COG7: variants seen among roughly 807,000 people sequenced by gnomAD.
COG7 encodes the protein component of oligomeric golgi complex 7, also known as conserved oligomeric Golgi complex subunit 7.
COG7 carries 49 observed loss-of-function variants against 91.5 expected under a neutral mutation model. The observed-to-expected ratio is 0.54, with a 90% CI of 0.43 to 0.68. The LOEUF (loss-of-function observed/expected upper bound fraction) is 0.68. Ranked by LOEUF, COG7 falls within the 30% of genes least tolerant of loss-of-function variation. The probability of loss-of-function intolerance (pLI) is 0.00; values close to 1 mark genes in which losing one functional copy is unlikely to be tolerated. For missense variants in COG7, 895 were observed against 961.3 expected, an observed-to-expected ratio of 0.93 and a Z score of 0.91; for synonymous variants, 365 against 388.7, an observed-to-expected ratio of 0.94 and a Z score of 0.72.
At chr16:23,418,896 A>G (rs1031445386) in intron 7 of COG7, 69 bp from the exon 8 acceptor site, 27 of 1,422,380 alleles carry the variant, frequency 1.9e-5, no homozygotes, top group Middle Eastern at 3.5e-4. Context: ...GAAAGCAACA[A>G]TCAAGAGGCG....
intron 8 of COG7, among the ~76,000 whole-genome samples, chr16:23,418,349 A>G (rs1350070047): frequency 6.6e-6 from 1 of 152,126 alleles, no homozygotes; most frequent in Non-Finnish European, 1.5e-5. Flanking sequence ...CAAAAAATAC[A>G]CAAAAATGAG....
Position 23,452,709 on chromosome 16 carries a change from G to T in COG7, c.169+117C>A. On this transcript the variant is annotated intron_variant, in intron 1 of 16. Transcript: ENST00000307149. ...GGAGTTCGGGGCTTGCTCTTTTGCC[G>T]AGGGTATTTGCTGTCCATGCGTGCC... 1.0e-5 allele frequency: 15 copies of T among 1,476,006 alleles called. No individual in the cohort carries two copies. The South Asian group carries it at 2.0e-4, about 20-fold the overall frequency. 91.4% of individuals were successfully genotyped at this position (1,476,006 alleles called of 1,614,324 possible).
intron 7 of COG7, among the ~76,000 whole-genome samples, chr16:23,419,770 A>AAAC (rs371498344): frequency 6.7e-6 from 1 of 149,336 alleles, no homozygotes; most frequent in Non-Finnish European, 1.5e-5. Flanking sequence ...AAAAAAAAGA[A>AAAC]CTGCCACAGA....
chr16:23,439,498 T>C (rs1388761668), intron 4 of COG7, among the ~76,000 whole-genome samples: 1 of 152,070 alleles, frequency 6.6e-6, no homozygotes, highest in East Asian at 1.9e-4. Flanking sequence ...AGAGAAAATG[T>C]GGTAATATAT....
intron 3 of COG7, among the ~76,000 whole-genome samples, chr16:23,442,937 G>A (rs1964125188): frequency 6.6e-6 from 1 of 151,970 alleles, no homozygotes; most frequent in Admixed American, 6.6e-5. Context: ...AGGAAGCTAA[G>A]GCAGGAGGAT....
chr16:23,441,362 A>C (rs1596953910), intron 4 of COG7, among the ~76,000 whole-genome samples: 1 of 152,068 alleles, frequency 6.6e-6, no homozygotes, highest in South Asian at 2.1e-4. Flanking sequence ...ATCACTTGAG[A>C]TCAGGAGTTC....
chr16:23,428,087 G>C (rs1266033315), intron 6 of COG7, among the ~76,000 whole-genome samples: 1 of 152,116 alleles, frequency 6.6e-6, no homozygotes, highest in Non-Finnish European at 1.5e-5. Context: ...TGCAGCATGA[G>C]AATCACTTGA....
chr16:23,424,787 A>G lies in COG7; in HGVS notation c.971T>C (p.Phe324Ser). ...CAGTGCCATCTCCAAGCCCTTGGCG[A>G]AGTGGGCGGTGGCGTCGTAGAACTC... ...LLEFYDATAH[F>S]AKGLEMALLP... Residue 324 changes from phenylalanine to serine, a missense_variant, in exon 7 of 17, where the codon TTC becomes TCC. By Grantham distance (155) the Phe-to-Ser change is radical. Transcript: ENST00000307149. 6.2e-7 allele frequency: 1 copy of G among 1,614,228 alleles called. No homozygotes were observed. Among genetic ancestry groups the G allele is most frequent in the Non-Finnish European group, 8.5e-7 (1 of 1,180,038 alleles).
chr16:23,399,106 G>A (rs962010083), intron 13 of COG7, among the ~76,000 whole-genome samples: 7 of 152,162 alleles, frequency 4.6e-5, no homozygotes, highest in African/African-American at 1.7e-4. Flanking sequence ...TGTTGGATCC[G>A]GTTGCCTGAT....
intron 4 of COG7, among the ~76,000 whole-genome samples, chr16:23,437,082 C>A (rs962990258): frequency 1.3e-5 from 2 of 152,146 alleles, no homozygotes; most frequent in Non-Finnish European, 2.9e-5. Context: ...GTTTCCACTG[C>A]GGCCCAGCAG....
rs939583383 is a variant in COG7 at position 23,445,726 on chromosome 16, G to A, written c.318+87C>T. 76 of 1,339,492 alleles carry A rather than the reference G, an allele frequency of 5.7e-5. 1 individual carries two copies. The Middle Eastern group carries it at 9.0e-4, about 16-fold the overall frequency. 83.0% of individuals were successfully genotyped at this position (1,339,492 alleles called of 1,614,324 possible). A position where few individuals can be genotyped will look rare whatever the true frequency, so the allele number is the denominator to read the frequency against. On this transcript the variant is annotated intron_variant, in intron 2 of 16. Transcript: ENST00000307149. Reference sequence around the variant, plus strand: ...GTGATGGTTGGCCTCCCAAAACACCGTGCTGTTCTAAAGCCCTTACGAGAG... The same window carrying A: ...GTGATGGTTGGCCTCCCAAAACACCATGCTGTTCTAAAGCCCTTACGAGAG...
intron 1 of COG7, among the ~76,000 whole-genome samples, chr16:23,452,126 T>C (rs1964274795): frequency 6.6e-6 from 1 of 152,212 alleles, no homozygotes; most frequent in Non-Finnish European, 1.5e-5. Flanking sequence ...TGTTAAGAAC[T>C]GGTTAAAACT....
At chr16:23,402,142 A>C (rs181210112) in intron 13 of COG7, among the ~76,000 whole-genome samples, 16 of 152,344 alleles carry the variant, frequency 1.1e-4, no homozygotes, top group Non-Finnish European at 2.2e-4. Context: ...GGTTAAATTC[A>C]AATAAAATTA....
intron 1 of COG7, among the ~76,000 whole-genome samples, chr16:23,448,351 C>A (rs559782647): frequency 3.9e-5 from 6 of 152,120 alleles, no homozygotes; most frequent in Admixed American, 3.9e-4. Flanking sequence ...CTCACTCTGT[C>A]CCCCACATTG....
intron 5 of COG7, among the ~76,000 whole-genome samples, chr16:23,433,994 T>TTTAA (rs1963974772): frequency 6.6e-6 from 1 of 152,148 alleles, no homozygotes; most frequent in Admixed American, 6.6e-5. Flanking sequence ...GACATGTATG[T>TTTAA]TTAAGCTTCA....
intron 8 of COG7, 148 bp downstream of exon 8, chr16:23,418,552 A>T: frequency 1.4e-6 from 1 of 702,472 alleles, no homozygotes; most frequent in Non-Finnish European, 2.6e-6. Context: ...ATATGGTCTC[A>T]TTTTACATTG....
chr16:23,442,553 G>C lies in COG7; in HGVS notation c.528C>G (p.His176Gln). The change falls in exon 4 of 17, where the codon CAC becomes CAG. Residue 176 changes from histidine to glutamine, a missense_variant. Coordinates refer to ENST00000307149, the MANE Select transcript of COG7 (RefSeq NM_153603.4). ...DTPDYSEKCV[H>Q]LEALKNRLEA... is the part of the protein sequence containing the mutation. ...CCAGCCTGTTCTTCAGTGCCTCCAAGTGCACACACTTTTCTGAGTAGTCTG... is the reference window on the plus strand; with the variant it reads ...CCAGCCTGTTCTTCAGTGCCTCCAACTGCACACACTTTTCTGAGTAGTCTG... The C allele has an allele frequency of 6.2e-7, 1 of 1,614,086 alleles. No individual in the cohort carries two copies. Among genetic ancestry groups the C allele is most frequent in the Non-Finnish European group, 8.5e-7 (1 of 1,179,974 alleles).
chr16:23,440,167 T>C (rs1478951784), intron 4 of COG7, among the ~76,000 whole-genome samples: 2 of 150,846 alleles, frequency 1.3e-5, no homozygotes, highest in East Asian at 3.9e-4. Context: ...GGCAGGCAGA[T>C]CACCTGAGGT....
chr16:23,391,189 A>G (rs556951973), intron 16 of COG7, among the ~76,000 whole-genome samples: 1 of 152,204 alleles, frequency 6.6e-6, no homozygotes, highest in Non-Finnish European at 1.5e-5. Context: ...TGGCACACAG[A>G]TGCTCGAGCA....
Sources: allele counts gnomAD v4.1 joint callset (sites outside exome capture counted in the v4.1 genomes callset), GRCh38; gene constraint gnomAD v4.1.1; transcripts MANE v1.5; gene names NCBI Gene and HGNC (gene_info 2026-07-23, HGNC 2026-07-21).